The following TJP1 variants were observed in gnomAD, a reference collection of about 807,000 sequenced individuals.
The protein encoded by TJP1 is tight junction protein 1.
TJP1 carries 43 observed loss-of-function variants against 194.2 expected under a neutral mutation model. That is an observed-to-expected ratio of 0.22 (90% CI 0.17 to 0.29). The LOEUF (loss-of-function observed/expected upper bound fraction) is 0.29, where lower values mean the gene tolerates loss of function less well. TJP1 is among the 10% of genes least tolerant of loss of function. The pLI is 1.00. For missense variants in TJP1, 1,971 were observed against 2,185.7 expected, an observed-to-expected ratio of 0.90 and a Z score of 1.96; for synonymous variants, 801 against 779.0, an observed-to-expected ratio of 1.03 and a Z score of -0.47.
intron 4 of TJP1, among the ~76,000 whole-genome samples, 164 bp downstream of exon 4, chr15:29,771,900 T>G (rs1210940871): frequency 6.6e-6 from 1 of 152,094 alleles, no homozygotes; most frequent in Non-Finnish European, 1.5e-5. Flanking sequence ...CACGTACCAG[T>G]GACATACCAC....
chr15:29,870,078 G>A (rs1409327275), intron 2 of TJP1, among the ~76,000 whole-genome samples: 3 of 125,760 alleles, frequency 2.4e-5, no homozygotes, highest in African/African-American at 9.0e-5. Flanking sequence ...CCACCACCCC[G>A]CCCCCCACCG....
At chr15:29,745,874 A>C (rs2044736553) in intron 8 of TJP1, among the ~76,000 whole-genome samples, 1 of 152,236 alleles carries the variant, frequency 6.6e-6, no homozygotes, top group Non-Finnish European at 1.5e-5. Flanking sequence ...TTAATTATTA[A>C]AAGAAAAACC....
At chr15:29,707,150 G>A (rs1347605725) in intron 25 of TJP1, among the ~76,000 whole-genome samples, 1 of 152,072 alleles carries the variant, frequency 6.6e-6, no homozygotes, top group Non-Finnish European at 1.5e-5. Flanking sequence ...CCTTGTATGG[G>A]CATATCCCAA....
At chr15:29,720,294 T>A in intron 19 of TJP1, 64 bp downstream of exon 19, 1 of 1,352,786 alleles carries the variant, frequency 7.4e-7, no homozygotes, top group Middle Eastern at 2.4e-4. Context: ...TTTAACTCAA[T>A]CACCACATTC....
chr15:29,784,855 G>C (rs1477827498), intron 2 of TJP1, among the ~76,000 whole-genome samples: 1 of 152,108 alleles, frequency 6.6e-6, no homozygotes, highest in Non-Finnish European at 1.5e-5. Context: ...ATATGATCTA[G>C]ATATGGTAAA....
intron 1 of TJP1, among the ~76,000 whole-genome samples, chr15:29,818,108 T>G (rs2050060667): frequency 6.6e-6 from 1 of 152,200 alleles, no homozygotes; most frequent in Middle Eastern, 3.2e-3. Flanking sequence ...ATAAATCATT[T>G]TCATACTTAC....
Position 29,733,148 on chromosome 15 carries a change from C to T in TJP1, c.1682G>A (p.Arg561Gln), listed in dbSNP as rs369890947. Reference sequence around the variant, plus strand: ...TACCTCCTTATGATTTTTACCAATTCGAATAGCAAGCCAAGAGCCCAGTTT... The same window carrying T: ...TACCTCCTTATGATTTTTACCAATTTGAATAGCAAGCCAAGAGCCCAGTTT... ...NGKLGSWLAI[R>Q]IGKNHKEVER... Residue 561 changes from arginine to glutamine, a missense_variant, in exon 13 of 28, where the codon CGA (arginine) becomes CAA (glutamine). Arg to Gln is a conservative substitution (Grantham distance 43). This residue lies in a region of TJP1 where 402 missense variants were observed against 484.2 expected (regional missense o/e 0.83). Coordinates refer to ENST00000614355, the MANE Select transcript of TJP1 (RefSeq NM_001330239.4). The T allele has an allele frequency of 1.9e-6, 3 of 1,614,036 alleles. No individual in the cohort carries two copies. In the South Asian group the frequency reaches 3.3e-5, roughly 18 times the overall value.
intron 2 of TJP1, among the ~76,000 whole-genome samples, chr15:29,952,419 C>T (rs2055783083): frequency 6.6e-6 from 1 of 151,970 alleles, no homozygotes; most frequent in African/African-American, 2.4e-5. Flanking sequence ...CCATTTAATC[C>T]CCACAGAGAA....
chr15:29,839,223 T>G (rs1046289438), intron 2 of TJP1, among the ~76,000 whole-genome samples: 1 of 151,912 alleles, frequency 6.6e-6, no homozygotes, highest in African/African-American at 2.4e-5. Context: ...TGGTCTTGAT[T>G]TCCTGACCTC....
chr15:29,785,999 C>A (rs1055157994), intron 2 of TJP1, among the ~76,000 whole-genome samples: 6 of 152,118 alleles, frequency 3.9e-5, no homozygotes, highest in African/African-American at 1.4e-4. Flanking sequence ...TACTTTGATT[C>A]CATGGGGATC....
At chr15:29,873,564 T>C (rs781077433) in intron 2 of TJP1, among the ~76,000 whole-genome samples, 1 of 152,242 alleles carries the variant, frequency 6.6e-6, no homozygotes, top group Non-Finnish European at 1.5e-5. Context: ...TATGGAGAGC[T>C]ATTCTTTTAT....
At position 29,726,363 on chromosome 15, in the gene TJP1, A is replaced by C; in HGVS notation, c.2412+16T>G. The C allele has an allele frequency of 6.2e-7, 1 of 1,606,156 alleles. No individual in the cohort carries two copies. ...ATTTACTGAACAAGTCAAAAAAGTA[A>C]TAGGAAATGTCTTACCTTTCCCTCG... On this transcript the variant is annotated intron_variant, in intron 18 of 27. Transcript: ENST00000614355.
rs2041478632 is a variant in TJP1 at position 29,700,580 on chromosome 15, T to TA, written c.*1014dup. ...TTAGAAACGTGGTCTTGTTTATGTATAAAAAAGGTAAAGTTTATAAAAGTT... is the reference window on the plus strand; with the variant it reads ...TTAGAAACGTGGTCTTGTTTATGTATAAAAAAAGGTAAAGTTTATAAAAGTT... On this transcript the variant is annotated 3_prime_UTR_variant, in exon 28 of 28. Coordinates refer to ENST00000614355, the MANE Select transcript of TJP1 (RefSeq NM_001330239.4). 1 of 397,062 alleles carries TA rather than the reference T, an allele frequency of 2.5e-6. No individual in the cohort carries two copies. The highest frequency in any genetic ancestry group is 3.6e-5 in the East Asian group (1 of 27,988). 24.6% of individuals were successfully genotyped at this position (397,062 alleles called of 1,614,324 possible).
chr15:29,768,137 T>C lies in TJP1; in HGVS notation c.313-1595A>G, dbSNP rs549402685. Among the ~76,000 whole-genome samples, 8 of 152,318 alleles carry C rather than the reference T, an allele frequency of 5.3e-5. No individual in the cohort carries two copies. The East Asian group carries it at 5.8e-4, about 11-fold the overall frequency. The stretch of plus-strand genomic sequence containing the variant: ...TGCTTCCTATGACTACTACTATTAT[T>C]ATCAGATACTGGTTCAGGATCAGGA... On this transcript the variant is annotated intron_variant, in intron 4 of 27. Coordinates refer to ENST00000614355, the MANE Select transcript of TJP1 (RefSeq NM_001330239.4).
chr15:29,948,656 C>T (rs11631505), intron 2 of TJP1, among the ~76,000 whole-genome samples: 1 of 152,118 alleles, frequency 6.6e-6, no homozygotes, highest in Non-Finnish European at 1.5e-5. Context: ...CCGAGGAAGC[C>T]TACGCAGAGG....
chr15:29,879,449 C>T (rs1403147051), intron 2 of TJP1, among the ~76,000 whole-genome samples: 2 of 152,168 alleles, frequency 1.3e-5, no homozygotes, highest in Non-Finnish European at 2.9e-5. Context: ...ACCTGAGAGC[C>T]CAATTCTCCA....
chr15:29,782,837 C>T (rs970044574), intron 2 of TJP1, among the ~76,000 whole-genome samples: 3 of 36,456 alleles, frequency 8.2e-5, no homozygotes, highest in African/African-American at 2.8e-4. Context: ...CACAATTTTA[C>T]AAGAAAAAAA....
At chr15:29,928,324 A>C (rs887182808) in intron 2 of TJP1, among the ~76,000 whole-genome samples, 2 of 152,264 alleles carry the variant, frequency 1.3e-5, no homozygotes, top group Non-Finnish European at 2.9e-5. Flanking sequence ...TAAAACTAAA[A>C]TAAACTACTA....
intron 2 of TJP1, among the ~76,000 whole-genome samples, chr15:29,851,521 T>C (rs2051641483): frequency 6.6e-6 from 1 of 152,186 alleles, no homozygotes; most frequent in Non-Finnish European, 1.5e-5. Flanking sequence ...ATGGTTTCAC[T>C]AGAGAATTCT....
Sources: gnomAD v4.1 joint callset for allele counts (sites outside exome capture counted in the v4.1 genomes callset) on GRCh38, gnomAD v4.1.1 for gene constraint, gnomAD v4.1.1 regional missense constraint, MANE v1.5 for transcripts, NCBI Gene and HGNC (gene_info 2026-07-23, HGNC 2026-07-21) for gene names.